OIP5: variants seen among roughly 807,000 people sequenced by gnomAD.
OIP5 encodes the protein Opa interacting protein 5.
In OIP5, 24 loss-of-function variants were observed where a neutral mutation model predicts 20.3. The observed-to-expected ratio is 1.18, with a 90% CI of 0.86 to 1.66. The LOEUF (loss-of-function observed/expected upper bound fraction) is 1.66. OIP5 is among the 40% of genes most tolerant of loss of function. The pLI, the probability that OIP5 is intolerant of heterozygous loss-of-function variation, is 0.00. For missense variants in OIP5, 339 were observed against 289.5 expected (o/e 1.17, Z -1.24); for synonymous variants, 143 against 121.3 (o/e 1.18, Z -1.17).
At chr15:41,318,585 C>G (rs2047803046) in intron 3 of OIP5, among the ~76,000 whole-genome samples, 1 of 152,144 alleles carries the variant, frequency 6.6e-6, no homozygotes, top group Non-Finnish European at 1.5e-5. Context: ...CACACACCAC[C>G]ACATCTGGCA....
At chr15:41,311,138 C>T (rs1019179290) in intron 4 of OIP5, among the ~76,000 whole-genome samples, 2 of 152,156 alleles carry the variant, frequency 1.3e-5, no homozygotes, top group East Asian at 3.9e-4. Flanking sequence ...TAGGCCGAGG[C>T]GGGTGGGTCA....
chr15:41,317,381 CTTT>C (rs1171613409), intron 3 of OIP5, among the ~76,000 whole-genome samples: 8 of 132,700 alleles, frequency 6.0e-5, no homozygotes, highest in Admixed American at 7.6e-5. Flanking sequence ...ATCCATTTTT[CTTT>C]TTTTTTTTTT....
At chr15:41,316,414 A>G (rs1426837716) in intron 3 of OIP5, among the ~76,000 whole-genome samples, 1 of 152,138 alleles carries the variant, frequency 6.6e-6, no homozygotes, top group Non-Finnish European at 1.5e-5. Flanking sequence ...ACAGTGAGCA[A>G]CCCATGGTAA....
At chr15:41,331,811 T>TA (rs1021019793) in intron 2 of OIP5, 104 bp downstream of exon 2, 2 of 922,810 alleles carry the variant, frequency 2.2e-6, no homozygotes, top group Non-Finnish European at 3.6e-6. Flanking sequence ...GTCAAACAGG[T>TA]AAAAGCAGCA....
chr15:41,331,833 T>C, intron 2 of OIP5, 82 bp downstream of exon 2: 3 of 1,161,806 alleles, frequency 2.6e-6, no homozygotes, highest in Non-Finnish European at 3.9e-6. Flanking sequence ...CCCAAACTGT[T>C]TTCTCCTCGT....
At chr15:41,318,975 T>C (rs2047805276) in intron 3 of OIP5, among the ~76,000 whole-genome samples, 1 of 152,090 alleles carries the variant, frequency 6.6e-6, no homozygotes, top group Non-Finnish European at 1.5e-5. Flanking sequence ...AGCATTGGCA[T>C]TACAGGCGCG....
chr15:41,314,753 T>G (rs968414281), intron 3 of OIP5, among the ~76,000 whole-genome samples: 2 of 151,534 alleles, frequency 1.3e-5, no homozygotes, highest in Admixed American at 6.6e-5. Flanking sequence ...TGCCTCAGCC[T>G]CCCAAGCAGT....
chr15:41,319,826 A>G lies in OIP5; in HGVS notation c.390-46T>C, dbSNP rs113510620. The G allele has an allele frequency of 3.2e-5, 49 of 1,514,678 alleles. No individual in the cohort carries two copies. The African/African-American group carries it at 4.5e-4, about 14-fold the overall frequency. 93.8% of individuals were successfully genotyped at this position (1,514,678 alleles called of 1,614,324 possible). On this transcript the variant is annotated intron_variant, in intron 2 of 4. Coordinates refer to ENST00000220514, the MANE Select transcript of OIP5 (RefSeq NM_007280.2). Reference sequence around the variant, plus strand: ...AATATGGGTAAGAATAAAAAATCATATAAGAAATAAAAAATAACTAGTCTC... The same window carrying G: ...AATATGGGTAAGAATAAAAAATCATGTAAGAAATAAAAAATAACTAGTCTC...
Position 41,322,879 on chromosome 15 carries a change from G to A in OIP5, c.390-3099C>T, listed in dbSNP as rs2047839065. Among the ~76,000 whole-genome samples the A allele has an allele frequency of 2.0e-5, 3 of 151,922 alleles. No homozygotes were observed. The South Asian group carries it at 6.2e-4, about 32-fold the overall frequency. ...GAACCTGGGAGGCGGAGGTTGCAGTGAGCGGAGATTGTGCCACTGCACTCC... is the reference window on the plus strand; with the variant it reads ...GAACCTGGGAGGCGGAGGTTGCAGTAAGCGGAGATTGTGCCACTGCACTCC... On this transcript the variant is annotated intron_variant, in intron 2 of 4. Transcript: ENST00000220514.
chr15:41,331,513 A>G (rs1393510601), intron 2 of OIP5, among the ~76,000 whole-genome samples: 1 of 152,226 alleles, frequency 6.6e-6, no homozygotes, highest in East Asian at 1.9e-4. Flanking sequence ...TGAGCCAGGA[A>G]GGTAGGGGCT....
At position 41,332,586 on chromosome 15, in the gene OIP5, T is replaced by C. The variant is rs1456075041; in HGVS notation, c.-25A>G. ...TCTTCCCGCAGCCGGCGCCTTCCTT[T>C]CGAATACACGCCAGGCCCCGCCCCA... On this transcript the variant is annotated 5_prime_UTR_variant, in exon 1 of 5. Transcript: ENST00000220514. 1 of 1,581,118 alleles carries C rather than the reference T, an allele frequency of 6.3e-7. No homozygotes were observed.
In OIP5 at chr15:41,331,939, C is replaced by A; in HGVS notation, c.365G>T (p.Gly122Val). Residue 122 changes from glycine to valine, a missense_variant, in exon 2 of 5, where the codon GGC becomes GTC. By Grantham distance (109) the Gly-to-Val change is moderately radical. Coordinates refer to ENST00000220514, the MANE Select transcript of OIP5 (RefSeq NM_007280.2). The stretch of plus-strand genomic sequence containing the variant: ...CCTGCCTTTGAGTGAACCTTCAATG[C>A]CAACTAGGAAGGGCGCTTCCAAAAC... Reference protein sequence around the residue: ...NVVLEAPFLVGIEGSLKGSTY... With the variant: ...NVVLEAPFLVVIEGSLKGSTY... 1 of 1,613,972 alleles carries A rather than the reference C, an allele frequency of 6.2e-7. No individual in the cohort carries two copies. Among genetic ancestry groups the A allele is most frequent in the South Asian group, 1.1e-5 (1 of 91,078 alleles).
At position 41,332,244 on chromosome 15, in the gene OIP5, G is replaced by A. The variant is rs753604647; in HGVS notation, c.318C>T (p.Phe106=). The A allele has an allele frequency of 5.8e-6, 9 of 1,543,756 alleles. No individual in the cohort carries two copies. In the East Asian group the frequency reaches 2.0e-4, roughly 35 times the overall value. The change falls in exon 1 of 5, where the codon TTC becomes TTT. Residue 106 remains phenylalanine, a synonymous_variant. Coordinates refer to ENST00000220514, the MANE Select transcript of OIP5 (RefSeq NM_007280.2). The part of the protein sequence containing the change: ...DLSRSLGAVV[F]SRVTNNVVLE... The stretch of plus-strand genomic sequence containing the variant: ...CGAACGCTTCACTGCACTCACTGGA[G>A]AAGACCACGGCCCCGAGGGACCGCG...
chr15:41,311,162 G>T (rs1291847305), intron 4 of OIP5, among the ~76,000 whole-genome samples: 1 of 152,144 alleles, frequency 6.6e-6, no homozygotes, highest in Non-Finnish European at 1.5e-5. Flanking sequence ...GAGCTCGGAA[G>T]TTCGAGAACA....
chr15:41,311,195 A>G (rs2047751620), intron 4 of OIP5, among the ~76,000 whole-genome samples: 1 of 152,148 alleles, frequency 6.6e-6, no homozygotes. Flanking sequence ...TTTTTAGCAG[A>G]GATGGTAAAA....
Position 41,332,337 on chromosome 15 carries a change from GCACC to G in OIP5, c.221_224del (p.Arg74ThrfsTer46). 1 of 1,611,944 alleles carries G rather than the reference GCACC, an allele frequency of 6.2e-7. No homozygotes were observed. Among genetic ancestry groups the G allele is most frequent in the Non-Finnish European group, 8.5e-7 (1 of 1,178,942 alleles). On this transcript the variant is annotated frameshift_variant, in exon 1 of 5. Transcript: ENST00000220514. LOFTEE classifies it high-confidence loss of function. ...GACACTGTGCGCACTGGAACACAGC[GCACC>G]TCTCAGGCTGCAGCCAAGACGGCAG...
At chr15:41,321,794 C>T (rs1034849342) in intron 2 of OIP5, among the ~76,000 whole-genome samples, 3 of 150,988 alleles carry the variant, frequency 2.0e-5, no homozygotes, top group Non-Finnish European at 4.4e-5. Context: ...TGCGGAAGGC[C>T]GCAGGGTCCT....
chr15:41,331,277 A>T (rs1410342888), intron 2 of OIP5, among the ~76,000 whole-genome samples: 4 of 152,252 alleles, frequency 2.6e-5, no homozygotes, highest in Non-Finnish European at 5.9e-5. Flanking sequence ...GGCAGTATTC[A>T]AGTACATAAC....
At chr15:41,315,206 G>GATC (rs1555424066) in intron 3 of OIP5, among the ~76,000 whole-genome samples, 1 of 151,912 alleles carries the variant, frequency 6.6e-6, no homozygotes, top group African/African-American at 2.4e-5. Context: ...GAGGCGGGGG[G>GATC]ATCACCTGAG....
Sources: allele counts gnomAD v4.1 joint callset (sites outside exome capture counted in the v4.1 genomes callset), GRCh38; gene constraint gnomAD v4.1.1; transcripts MANE v1.5; gene names NCBI Gene and HGNC (gene_info 2026-07-23, HGNC 2026-07-21).